BPIFB6: variants seen among roughly 807,000 people sequenced by gnomAD.
BPIFB6 encodes the protein BPI fold-containing family B member 6.
Under a neutral mutation model 54.7 loss-of-function variants are expected in BPIFB6, and 47 were observed. That is an observed-to-expected ratio of 0.86 (90% CI 0.68 to 1.10). BPIFB6 has a LOEUF of 1.10. Ranked by LOEUF, BPIFB6 falls within the 50% of genes least tolerant of loss-of-function variation. BPIFB6 has a pLI of 0.00. For missense variants in BPIFB6, 603 were observed against 564.1 expected, an observed-to-expected ratio of 1.07 and a Z score of -0.70; for synonymous variants, 255 against 225.9, an observed-to-expected ratio of 1.13 and a Z score of -1.16.
rs760488590 is a variant in BPIFB6, at chr20:33,037,567, G to C, written c.675G>C (p.Val225=). ...TCCCTCCTGCTGCCCCATAGCCTGTGGTGCAGCAGCAAAAGGGCAAAACCA... is the reference window on the plus strand; with the variant it reads ...TCCCTCCTGCTGCCCCATAGCCTGTCGTGCAGCAGCAAAAGGGCAAAACCA... ...ASYIQLDFSP[V]VQQQKGKTIK... is the part of the protein sequence containing the mutation. Residue 225 remains valine, a synonymous_variant, in exon 8 of 15, where the codon GTG becomes GTC. Transcript: ENST00000349552. The C allele has an allele frequency of 6.2e-7, 1 of 1,610,192 alleles. No homozygotes were observed. Among genetic ancestry groups the C allele is most frequent in the East Asian group, 2.2e-5 (1 of 44,734 alleles).
At chr20:33,035,518 C>T in intron 5 of BPIFB6, 94 bp from the exon 6 acceptor site, 3 of 1,336,888 alleles carry the variant, frequency 2.2e-6, no homozygotes, top group Non-Finnish European at 3.2e-6. Context: ...CCTGTCCCAC[C>T]AGGGCTCTTG....
chr20:33,031,742 A>G lies in BPIFB6; in HGVS notation c.95A>G (p.Asn32Ser). Residue 32 changes from asparagine to serine, a missense_variant and splice_region_variant, in exon 1 of 15, where the codon AAC (asparagine) becomes AGC (serine). Transcript: ENST00000349552. ...ALLRLGMDIMNQVQSAMDESH... is the reference protein window; with the variant it reads ...ALLRLGMDIMSQVQSAMDESH... Reference sequence around the variant, plus strand: ...CTGCGGTTGGGCATGGACATCATGAACCGTGGTGAGCTTGTGGGCCCGGGC... The same window carrying G: ...CTGCGGTTGGGCATGGACATCATGAGCCGTGGTGAGCTTGTGGGCCCGGGC... 1 of 1,613,916 alleles carries G rather than the reference A, an allele frequency of 6.2e-7. No homozygotes were observed. The highest frequency in any genetic ancestry group is 1.1e-5 in the South Asian group (1 of 91,066).
intron 4 of BPIFB6, 47 bp from the exon 5 acceptor site, chr20:33,035,034 G>T (rs571983495): frequency 6.2e-7 from 1 of 1,610,616 alleles, no homozygotes; most frequent in Non-Finnish European, 8.5e-7. Context: ...CTAAATTCCT[G>T]CACTGGTGCA....
chr20:33,033,364 ACATGAACT>A, intron 2 of BPIFB6: 1 of 530,626 alleles, frequency 1.9e-6, no homozygotes, highest in Non-Finnish European at 3.7e-6. Context: ...TCTGCATGCA[ACATGAACT>A]CATTGAATGT....
In BPIFB6 at chr20:33,039,527, G is replaced by A; in HGVS notation, c.1074+7G>A. ...CCTCTTTCTCCTAGAAGTGGTGAGGGAAATCGTTCCCTTCCCCATTTATTC... is the reference window on the plus strand; with the variant it reads ...CCTCTTTCTCCTAGAAGTGGTGAGGAAAATCGTTCCCTTCCCCATTTATTC... On this transcript the variant is annotated splice_region_variant and intron_variant, in intron 10 of 14. Coordinates refer to ENST00000349552, the MANE Select transcript of BPIFB6 (RefSeq NM_174897.2). 1 of 1,596,204 alleles carries A rather than the reference G, an allele frequency of 6.3e-7. No homozygotes were observed. Among genetic ancestry groups the A allele is most frequent in the African/African-American group, 1.3e-5 (1 of 74,172 alleles).
intron 11 of BPIFB6, among the ~76,000 whole-genome samples, chr20:33,041,705 C>A (rs189447677): frequency 7.2e-5 from 11 of 152,238 alleles, no homozygotes; most frequent in African/African-American, 2.6e-4. Context: ...GCAATAGACA[C>A]AAATGGGGGT....
intron 1 of BPIFB6, 133 bp from the exon 2 acceptor site, chr20:33,032,851 G>C: frequency 1.5e-6 from 1 of 657,900 alleles, no homozygotes; most frequent in Non-Finnish European, 2.8e-6. Flanking sequence ...CATTAGGCTG[G>C]GGCGCTGTGG....
intron 4 of BPIFB6, 70 bp downstream of exon 4, chr20:33,034,982 A>G (rs1197890372): frequency 6.2e-7 from 1 of 1,606,124 alleles, no homozygotes; most frequent in Non-Finnish European, 8.5e-7. Context: ...TCACTTCCTG[A>G]GCCATGGAAC....
At chr20:33,032,793 C>T (rs1209283824) in intron 1 of BPIFB6, among the ~76,000 whole-genome samples, 191 bp from the exon 2 acceptor site, 3 of 152,204 alleles carry the variant, frequency 2.0e-5, no homozygotes, top group East Asian at 1.9e-4. Flanking sequence ...AACCCTCGTG[C>T]GGCTCCTACA....
rs1568986504 is a variant in BPIFB6 at position 33,037,650 on chromosome 20, CG to C, written c.759del (p.Ser254ArgfsTer23). On this transcript the variant is annotated frameshift_variant, in exon 8 of 15. Transcript: ENST00000349552. LOFTEE classifies it high-confidence loss of function. ...TTCCCTGAGGGTTATGCCAAAGGCTCGTCGCAGCTGCTGCTCCCAGCCACCT... is the reference window on the plus strand; with the variant it reads ...TTCCCTGAGGGTTATGCCAAAGGCTCTCGCAGCTGCTGCTCCCAGCCACCT... ...LTFPEGYAKG[S>X]SQLLLPATFL... The C allele has an allele frequency of 6.2e-7, 1 of 1,614,082 alleles. No homozygotes were observed. Among genetic ancestry groups the C allele is most frequent in the Admixed American group, 1.7e-5 (1 of 60,020 alleles).
chr20:33,032,998 A>G lies in BPIFB6; in HGVS notation c.112A>G (p.Met38Val), dbSNP rs1187576113. ...CTCCACTCCAGAGGTCCAGAGCGCC[A>G]TGGATGAGAGTCATATCCTGGAGAA... ...MDIMNQVQSA[M>V]DESHILEKMA... Residue 38 changes from methionine to valine, a missense_variant, in exon 2 of 15, where the codon ATG becomes GTG. By Grantham distance (21) the Met-to-Val change is conservative. Coordinates refer to ENST00000349552, the MANE Select transcript of BPIFB6 (RefSeq NM_174897.2). 5.0e-6 allele frequency: 8 copies of G among 1,613,932 alleles called. No individual in the cohort carries two copies. The South Asian group carries it at 7.7e-5, about 16-fold the overall frequency.
intron 11 of BPIFB6, among the ~76,000 whole-genome samples, chr20:33,040,809 C>G (rs993182268): frequency 3.9e-5 from 6 of 152,198 alleles, no homozygotes; most frequent in African/African-American, 1.4e-4. Flanking sequence ...GTACTACAAA[C>G]AACTTAGCTT....
rs1979680056 is a variant in BPIFB6, at chr20:33,043,511, AG to A, written c.1329+145del. ...AATATAATCCTGCCCCTCAGAATCT[AG>A]AACACTCCTTGACCAGGGATTCCAT... On this transcript the variant is annotated intron_variant, in intron 14 of 14. Transcript: ENST00000349552. 3 of 706,046 alleles carry A rather than the reference AG, an allele frequency of 4.2e-6. No homozygotes were observed. The African/African-American group carries it at 5.2e-5, about 12-fold the overall frequency. 43.7% of individuals were successfully genotyped at this position (706,046 alleles called of 1,614,324 possible). A position where few individuals can be genotyped will look rare whatever the true frequency, so the allele number is the denominator to read the frequency against.
At position 33,031,924 on chromosome 20, in the gene BPIFB6, T is replaced by C. The variant is rs558796556; in HGVS notation, c.97+180T>C. ...GGGAGAAACCAAGGACCAGAGAAAATGGGATGATTTTCCCATGCTCCCCCT... is the reference window on the plus strand; with the variant it reads ...GGGAGAAACCAAGGACCAGAGAAAACGGGATGATTTTCCCATGCTCCCCCT... On this transcript the variant is annotated intron_variant, in intron 1 of 14. Coordinates refer to ENST00000349552, the MANE Select transcript of BPIFB6 (RefSeq NM_174897.2). Among the ~76,000 whole-genome samples the C allele has an allele frequency of 4.6e-5, 7 of 152,224 alleles. No homozygotes were observed. The East Asian group carries it at 1.4e-3, about 29-fold the overall frequency.
chr20:33,034,009 C>G (rs1979214899), intron 2 of BPIFB6, among the ~76,000 whole-genome samples, 177 bp from the exon 3 acceptor site: 1 of 151,190 alleles, frequency 6.6e-6, no homozygotes, highest in African/African-American at 2.5e-5. Flanking sequence ...CAAATTGATT[C>G]ATGTCCAGCC....
intron 2 of BPIFB6, 49 bp from the exon 3 acceptor site, chr20:33,034,137 G>C: frequency 7.3e-7 from 1 of 1,373,700 alleles, no homozygotes; most frequent in Non-Finnish European, 1.0e-6. Context: ...GGAGGTCCTG[G>C]GTCTTGCCTG....
intron 3 of BPIFB6, 86 bp downstream of exon 3, chr20:33,034,376 G>A (rs1402595815): frequency 3.2e-6 from 3 of 950,426 alleles, no homozygotes; most frequent in African/African-American, 3.2e-5. Flanking sequence ...TGCCTACTGT[G>A]TACCATCTGA....
chr20:33,038,876 C>T (rs1979455976), intron 8 of BPIFB6, 33 bp from the exon 9 acceptor site: 4 of 1,611,226 alleles, frequency 2.5e-6, no homozygotes, highest in Non-Finnish European at 1.7e-6. Flanking sequence ...AGGGAGGACT[C>T]CAGCAACCCT....
At chr20:33,033,238 GTCAC>G in intron 2 of BPIFB6, 155 bp downstream of exon 2, 2 of 703,182 alleles carry the variant, frequency 2.8e-6, no homozygotes, top group Non-Finnish European at 5.3e-6. Context: ...CCTTGGGTAG[GTCAC>G]TGCTCCTGCC....
Sources: gnomAD v4.1 joint callset for allele counts (sites outside exome capture counted in the v4.1 genomes callset) on GRCh38, gnomAD v4.1.1 for gene constraint, MANE v1.5 for transcripts, NCBI Gene and HGNC (gene_info 2026-07-23, HGNC 2026-07-21) for gene names.